The following ANK3 variants were observed in gnomAD, a reference collection of about 807,000 sequenced individuals.
ANK3 encodes ankyrin 3, also known as ankyrin-3.
In ANK3, 57 loss-of-function variants were observed where a neutral mutation model predicts 370.9. That is an observed-to-expected ratio of 0.15 (90% CI 0.12 to 0.19). The LOEUF is 0.19. Ranked by LOEUF, ANK3 falls within the 10% of genes least tolerant of loss-of-function variation. The pLI, the probability that ANK3 is intolerant of heterozygous loss-of-function variation, is 1.00. For missense variants in ANK3, 4,439 were observed against 5,302.1 expected (o/e 0.84, Z 5.06); for synonymous variants, 1,929 against 1,946.3 (o/e 0.99, Z 0.23).
chr10:60,358,911 G>A (rs2058192425), intron 1 of ANK3, among the ~76,000 whole-genome samples: 1 of 151,854 alleles, frequency 6.6e-6, no homozygotes, highest in African/African-American at 2.4e-5. Context: ...TCTTCTGAGA[G>A]GTCTATCCTA....
chr10:60,262,847 C>T (rs1246691246), intron 6 of ANK3, among the ~76,000 whole-genome samples: 1 of 152,164 alleles, frequency 6.6e-6, no homozygotes, highest in East Asian at 1.9e-4. Context: ...TGTCCAGACT[C>T]TTCATCTCAC....
chr10:60,386,216 C>G (rs920447233), intron 1 of ANK3, among the ~76,000 whole-genome samples: 1 of 152,128 alleles, frequency 6.6e-6, no homozygotes, highest in African/African-American at 2.4e-5. Flanking sequence ...ATGCCTCCCA[C>G]TGGTTGCCAA....
intron 2 of ANK3, among the ~76,000 whole-genome samples, chr10:60,432,648 C>T (rs979508624): frequency 6.6e-6 from 1 of 152,074 alleles, no homozygotes; most frequent in African/African-American, 2.4e-5. Context: ...TTTTAGAACA[C>T]GGAGTTGCAT....
At chr10:60,334,404 G>A (rs1262349040) in intron 1 of ANK3, among the ~76,000 whole-genome samples, 1 of 152,016 alleles carries the variant, frequency 6.6e-6, no homozygotes, top group Non-Finnish European at 1.5e-5. Context: ...ATTTACTACC[G>A]TGGTTAAAAT....
chr10:60,553,546 T>C (rs1420653648), intron 2 of ANK3, among the ~76,000 whole-genome samples: 1 of 152,178 alleles, frequency 6.6e-6, no homozygotes, highest in Non-Finnish European at 1.5e-5. Flanking sequence ...TCAGGTGTTA[T>C]CCAGATTTTT....
chr10:60,114,616 CAT>C (rs2092955752), intron 25 of ANK3, among the ~76,000 whole-genome samples: 1 of 152,202 alleles, frequency 6.6e-6, no homozygotes, highest in South Asian at 2.1e-4. Flanking sequence ...ATTTTAAGCA[CAT>C]GTCACATTTT....
chr10:60,607,033 T>C (rs2078137856), intron 2 of ANK3, among the ~76,000 whole-genome samples: 1 of 152,176 alleles, frequency 6.6e-6, no homozygotes, highest in African/African-American at 2.4e-5. Context: ...AAACCTTCCT[T>C]TGAATTGGAA....
chr10:60,449,702 C>T (rs1030966438), intron 2 of ANK3, among the ~76,000 whole-genome samples: 2 of 152,156 alleles, frequency 1.3e-5, no homozygotes, highest in Non-Finnish European at 2.9e-5. Context: ...ACAGAGGAGG[C>T]TCAGTAAATG....
intron 2 of ANK3, among the ~76,000 whole-genome samples, chr10:60,565,400 C>T (rs556857114): frequency 2.9e-5 from 4 of 137,736 alleles, no homozygotes; most frequent in Non-Finnish European, 6.3e-5. Flanking sequence ...ACTTGCCTGC[C>T]ACTGTGCGGC....
chr10:60,318,116 T>A (rs1004192088), intron 1 of ANK3, among the ~76,000 whole-genome samples: 3 of 152,194 alleles, frequency 2.0e-5, no homozygotes, highest in Admixed American at 1.3e-4. Flanking sequence ...AAATTTTAAG[T>A]TCTGGGATAC....
Position 60,072,010 on chromosome 10 carries a change from C to T in ANK3, c.8871G>A (p.Val2957=). The T allele has an allele frequency of 1.2e-6, 2 of 1,614,088 alleles. No homozygotes were observed. Among genetic ancestry groups the T allele is most frequent in the Non-Finnish European group, 1.7e-6 (2 of 1,179,984 alleles). ...QPSRRSESSA[V]SHIPVRVADE... is the part of the protein sequence containing the mutation. Reference sequence around the variant, plus strand: ...CAGCAACTCTGACGGGAATGTGTGACACTGCTGAGCTCTCGCTCCTCCTGG... The same window carrying T: ...CAGCAACTCTGACGGGAATGTGTGATACTGCTGAGCTCTCGCTCCTCCTGG... Residue 2957 remains valine, a synonymous_variant, in exon 37 of 44, where the codon GTG becomes GTA. Coordinates refer to ENST00000280772, the MANE Select transcript of ANK3 (RefSeq NM_020987.5).
At chr10:60,190,232 C>CA (rs1462360183) in intron 16 of ANK3, among the ~76,000 whole-genome samples, 1 of 152,136 alleles carries the variant, frequency 6.6e-6, no homozygotes, top group Non-Finnish European at 1.5e-5. Context: ...AGAAAAAGGA[C>CA]AAAGGATGTG....
In ANK3 at chr10:60,634,035, ATT is replaced by A. The variant is rs1217135284; in HGVS notation, c.58-18813_58-18812del. ...TGATCAAAATAAGAGACATATCTCA[ATT>A]ATAATAAAGTCTGCATGGAGTTCAG... is the stretch of plus-strand genomic sequence containing the variant. On this transcript the variant is annotated intron_variant, in intron 1 of 43. Transcript: ENST00000373827. Among the ~76,000 whole-genome samples, 10 of 152,364 alleles carry A rather than the reference ATT, an allele frequency of 6.6e-5. No homozygotes were observed. In the East Asian group the frequency reaches 1.4e-3, roughly 21 times the overall value.
At chr10:60,519,941 T>G (rs2076310362) in intron 2 of ANK3, among the ~76,000 whole-genome samples, 1 of 152,114 alleles carries the variant, frequency 6.6e-6, no homozygotes, top group South Asian at 2.1e-4. Flanking sequence ...TGTCATGAAG[T>G]GATCAGATAT....
At chr10:60,390,218 T>C (rs1479985604), upstream of ANK3, among the ~76,000 whole-genome samples, 2 of 152,194 alleles carry the variant, frequency 1.3e-5, no homozygotes, top group Admixed American at 1.3e-4. Context: ...CAGTGCATCC[T>C]TTATGCTGAA....
intron 8 of ANK3, among the ~76,000 whole-genome samples, chr10:60,230,562 G>C (rs964281803): frequency 6.6e-6 from 1 of 152,106 alleles, no homozygotes; most frequent in Non-Finnish European, 1.5e-5. Flanking sequence ...GGGAAAATGG[G>C]AAAGACTTTC....
At chr10:60,563,048 T>G (rs1187858439) in intron 2 of ANK3, among the ~76,000 whole-genome samples, 1 of 152,148 alleles carries the variant, frequency 6.6e-6, no homozygotes, top group Non-Finnish European at 1.5e-5. Context: ...AACAAAAAAT[T>G]AAGAATTTCA....
intron 2 of ANK3, among the ~76,000 whole-genome samples, chr10:60,540,198 G>T (rs2076815787): frequency 6.6e-6 from 1 of 151,846 alleles, no homozygotes; most frequent in Middle Eastern, 3.2e-3. Context: ...CTTGTTAAAT[G>T]CTTGATGGCC....
intron 1 of ANK3, among the ~76,000 whole-genome samples, chr10:60,320,212 C>T (rs1002710312): frequency 2.6e-5 from 4 of 152,166 alleles, no homozygotes; most frequent in Admixed American, 2.0e-4. Context: ...ATGTGCTTTG[C>T]CCATGATGGG....
Sources: gnomAD v4.1 joint callset for allele counts (sites outside exome capture counted in the v4.1 genomes callset) on GRCh38, gnomAD v4.1.1 for gene constraint, MANE v1.5 for transcripts, NCBI Gene and HGNC (gene_info 2026-07-23, HGNC 2026-07-21) for gene names.